Variants in PIK3C2G observed in about 807,000 individuals in gnomAD.
PIK3C2G encodes phosphatidylinositol-4-phosphate 3-kinase catalytic subunit type 2 gamma, also known as phosphatidylinositol 3-kinase C2 domain-containing subunit gamma.
In PIK3C2G, 168 loss-of-function variants were observed where a neutral mutation model predicts 181.1. That is an observed-to-expected ratio of 0.93 (90% confidence interval 0.82 to 1.05). The LOEUF is 1.05. Ranked by LOEUF, PIK3C2G falls within the 50% of genes least tolerant of loss-of-function variation. The pLI is 0.00. For missense variants in PIK3C2G, 1,869 were observed against 1,732.8 expected, an observed-to-expected ratio of 1.08 and a Z score of -1.40; for synonymous variants, 573 against 592.2, an observed-to-expected ratio of 0.97 and a Z score of 0.47.
chr12:18,725,968 T>C, the PIK3C2G span, among the ~76,000 whole-genome samples: 3 of 152,084 alleles, frequency 2.0e-5, no homozygotes, highest in Non-Finnish European at 2.9e-5. Flanking sequence ...CCTTATTAGA[T>C]TGGAATGACA....
At chr12:18,477,103 C>T (rs1939081071) in intron 18 of PIK3C2G, among the ~76,000 whole-genome samples, 1 of 152,030 alleles carries the variant, frequency 6.6e-6, no homozygotes, top group Non-Finnish European at 1.5e-5. Context: ...TGTGCGTGTG[C>T]TCTCCTGCTC....
chr12:18,324,148 G>C (rs191785515), intron 7 of PIK3C2G, among the ~76,000 whole-genome samples: 1 of 151,962 alleles, frequency 6.6e-6, no homozygotes, highest in Non-Finnish European at 1.5e-5. Context: ...TGAACCCCGG[G>C]GGGCGGAGCC....
intron 7 of PIK3C2G, among the ~76,000 whole-genome samples, chr12:18,322,464 G>A (rs1332257462): frequency 6.6e-6 from 1 of 151,578 alleles, no homozygotes; most frequent in African/African-American, 2.4e-5. Context: ...AGCTAAAATT[G>A]TTTTTAGTGA....
intron 3 of PIK3C2G, among the ~76,000 whole-genome samples, chr12:18,288,768 A>G (rs1261783131): frequency 6.6e-6 from 1 of 152,196 alleles, no homozygotes. Context: ...CTCTACTCAC[A>G]GACCACATTA....
chr12:18,575,828 A>G (rs1946207088), intron 29 of PIK3C2G, among the ~76,000 whole-genome samples: 2 of 152,206 alleles, frequency 1.3e-5, no homozygotes, highest in African/African-American at 4.8e-5. Flanking sequence ...CTCTATTTTT[A>G]CCCCATGTCT....
chr12:18,392,626 C>T (rs903980063), intron 15 of PIK3C2G, among the ~76,000 whole-genome samples: 12 of 152,036 alleles, frequency 7.9e-5, no homozygotes. Flanking sequence ...TGTGATGAAG[C>T]CTTTTTTCCC....
chr12:18,440,975 A>G (rs1390413084), intron 18 of PIK3C2G, among the ~76,000 whole-genome samples: 1 of 152,166 alleles, frequency 6.6e-6, no homozygotes, highest in African/African-American at 2.4e-5. Context: ...AGGAGAATGA[A>G]TACAAATAGA....
the PIK3C2G span, among the ~76,000 whole-genome samples, chr12:18,705,590 G>C: frequency 7.9e-5 from 12 of 152,098 alleles, no homozygotes; most frequent in Non-Finnish European, 1.8e-4. Context: ...TACTGGCCAG[G>C]CTCAGTGGCT....
chr12:18,701,701 C>T, the PIK3C2G span: 3 of 1,610,784 alleles, frequency 1.9e-6, no homozygotes, highest in African/African-American at 4.0e-5. Context: ...CCACGCTTAT[C>T]AGAACCTTTT....
chr12:18,284,665 T>G (rs144528897), intron 2 of PIK3C2G, among the ~76,000 whole-genome samples: 157 of 151,818 alleles, frequency 1.0e-3, no homozygotes, highest in African/African-American at 3.6e-3. Context: ...CAGCAGGAAA[T>G]TAGAAACATC....
chr12:18,608,452 C>A (rs1343670620), intron 30 of PIK3C2G, among the ~76,000 whole-genome samples: 1 of 150,220 alleles, frequency 6.7e-6, no homozygotes, highest in Non-Finnish European at 1.5e-5. Context: ...CAAACTATGG[C>A]AAGGACAAAA....
the PIK3C2G span, among the ~76,000 whole-genome samples, chr12:18,666,463 T>C: frequency 3.3e-5 from 5 of 152,066 alleles, no homozygotes; most frequent in Non-Finnish European, 5.9e-5. Flanking sequence ...TTCAAGGTGA[T>C]TGTTGCACGA....
intron 14 of PIK3C2G, among the ~76,000 whole-genome samples, chr12:18,385,597 C>A (rs1054241139): frequency 3.9e-5 from 6 of 152,016 alleles, no homozygotes; most frequent in African/African-American, 1.4e-4. Flanking sequence ...GAGATGAATT[C>A]TCACTCTGTC....
intron 18 of PIK3C2G, chr12:18,424,914 T>A (rs1945706305): frequency 4.8e-6 from 1 of 207,456 alleles, no homozygotes; most frequent in African/African-American, 2.3e-5. Flanking sequence ...GTTGCCATTC[T>A]CCAATTCCAT....
intron 18 of PIK3C2G, among the ~76,000 whole-genome samples, chr12:18,475,617 G>A (rs1164082988): frequency 2.0e-5 from 3 of 151,944 alleles, no homozygotes; most frequent in Non-Finnish European, 4.4e-5. Context: ...TTTTCCCCAT[G>A]ATCTGAATCC....
intron 16 of PIK3C2G, among the ~76,000 whole-genome samples, chr12:18,410,506 GAAAGAAAAAAAAAAAAAAA>G (rs1451080642): frequency 1.3e-5 from 1 of 74,674 alleles, no homozygotes; most frequent in African/African-American, 5.5e-5. Flanking sequence ...CTCCATCTCA[GAAAGAAAAAAAAAAAAAAA>G]AAAGATTATT....
intron 30 of PIK3C2G, among the ~76,000 whole-genome samples, chr12:18,601,961 G>A (rs752525001): frequency 7.9e-5 from 12 of 152,134 alleles, no homozygotes; most frequent in Non-Finnish European, 1.5e-4. Context: ...GGCCAGAGGA[G>A]GGGGTAAAAC....
intron 1 of PIK3C2G, among the ~76,000 whole-genome samples, chr12:18,273,912 A>G (rs1218801458): frequency 6.6e-6 from 1 of 152,194 alleles, no homozygotes; most frequent in Non-Finnish European, 1.5e-5. Context: ...TCATCTGACA[A>G]AGGGCTAATA....
intron 20 of PIK3C2G, among the ~76,000 whole-genome samples, chr12:18,495,069 G>A (rs1940893069): frequency 6.6e-6 from 1 of 151,978 alleles, no homozygotes; most frequent in African/African-American, 2.4e-5. Flanking sequence ...TGTGTTGATA[G>A]GTCAGTTAAG....
Sources: allele counts gnomAD v4.1 joint callset (sites outside exome capture counted in the v4.1 genomes callset), GRCh38; gene constraint gnomAD v4.1.1; transcripts MANE v1.5; gene names NCBI Gene and HGNC (gene_info 2026-07-23, HGNC 2026-07-21).